The following OMA1 variants were observed in gnomAD, a reference collection of about 807,000 sequenced individuals.
OMA1 encodes metalloendopeptidase OMA1, mitochondrial.
OMA1 carries 38 observed loss-of-function variants against 30.9 expected under a neutral mutation model. The ratio of observed to expected loss-of-function variants is 1.23; its 90% CI spans 0.95 to 1.61. The LOEUF is 1.61. Ranked by LOEUF, OMA1 falls within the 40% of genes most tolerant of loss-of-function variation. The probability of loss-of-function intolerance (pLI) is 0.00; values close to 1 mark genes in which losing one functional copy is unlikely to be tolerated. For missense variants in OMA1, 461 were observed against 349.2 expected (o/e 1.32, Z -2.55); for synonymous variants, 173 against 121.9 (o/e 1.42, Z -2.76).
Position 58,536,738 on chromosome 1 carries a change from GC to G in OMA1, c.503del (p.Gly168AlafsTer2). 1 of 867,406 alleles carries G rather than the reference GC, an allele frequency of 1.2e-6. No individual in the cohort carries two copies. The highest frequency in any genetic ancestry group is 2.0e-6 in the Non-Finnish European group (1 of 500,130). 53.7% of individuals were successfully genotyped at this position (867,406 alleles called of 1,614,324 possible). ...QKLFAIIVGR[G>X]IRKWWQALPP... ...GAAGTGCCTGCCACCATTTCCTTAT[GC>G]CCCTAAAGCAAAAAGAAAAATTCAA... On this transcript the variant is annotated frameshift_variant and splice_region_variant, in exon 3 of 9. Coordinates refer to ENST00000371226, the MANE Select transcript of OMA1 (RefSeq NM_145243.5). LOFTEE classifies it high-confidence loss of function.
chr1:58,525,150 T>C (rs528637946), intron 7 of OMA1, among the ~76,000 whole-genome samples: 2 of 152,324 alleles, frequency 1.3e-5, no homozygotes, highest in East Asian at 3.9e-4. Context: ...TTGTGTTTTA[T>C]GGTAAAAAAT....
chr1:58,490,244 T>C (rs567227501), intron 8 of OMA1, among the ~76,000 whole-genome samples: 5 of 152,258 alleles, frequency 3.3e-5, no homozygotes, highest in Non-Finnish European at 7.4e-5. Context: ...GAGAAGTCCT[T>C]AAAGGACCTG....
At chr1:58,482,418 C>A (rs991411541) in intron 8 of OMA1, among the ~76,000 whole-genome samples, 5 of 152,154 alleles carry the variant, frequency 3.3e-5, no homozygotes, top group African/African-American at 1.2e-4. Flanking sequence ...AACTATTTAA[C>A]TCTTCAAAGT....
chr1:58,534,738 C>G (rs1646490280), intron 3 of OMA1, among the ~76,000 whole-genome samples: 1 of 152,296 alleles, frequency 6.6e-6, no homozygotes, highest in Non-Finnish European at 1.5e-5. Flanking sequence ...AGTTCAAGAC[C>G]AGCCTGGGCA....
chr1:58,485,870 T>C (rs1484887428), intron 8 of OMA1, among the ~76,000 whole-genome samples: 1 of 152,154 alleles, frequency 6.6e-6, no homozygotes, highest in Non-Finnish European at 1.5e-5. Context: ...TATGAATAAA[T>C]CATTATGATA....
intron 7 of OMA1, among the ~76,000 whole-genome samples, chr1:58,520,715 G>A (rs1485244973): frequency 6.6e-6 from 1 of 152,038 alleles, no homozygotes; most frequent in African/African-American, 2.4e-5. Context: ...TATTACTAGA[G>A]ACAGTGATTT....
chr1:58,532,090 A>C (rs1646442932), intron 5 of OMA1, among the ~76,000 whole-genome samples: 1 of 152,228 alleles, frequency 6.6e-6, no homozygotes, highest in African/African-American at 2.4e-5. Context: ...GTTATTAAAG[A>C]ATATAATTGC....
At chr1:58,541,894 G>C (rs973053960) in intron 1 of OMA1, among the ~76,000 whole-genome samples, 3 of 152,060 alleles carry the variant, frequency 2.0e-5, no homozygotes, top group African/African-American at 4.8e-5. Flanking sequence ...CTCAGTGATA[G>C]TTACATATGT....
chr1:58,492,931 C>A (rs889352018), intron 8 of OMA1, among the ~76,000 whole-genome samples: 1 of 152,264 alleles, frequency 6.6e-6, no homozygotes, highest in South Asian at 2.1e-4. Context: ...CCAGCATCAT[C>A]CTGATACCAA....
intron 8 of OMA1, among the ~76,000 whole-genome samples, chr1:58,491,977 ACAC>A (rs1185610977): frequency 6.6e-6 from 1 of 152,194 alleles, no homozygotes; most frequent in Non-Finnish European, 1.5e-5. Context: ...TTTCAGCACC[ACAC>A]CACACCTATT....
chr1:58,502,215 G>C (rs778486391), intron 8 of OMA1, among the ~76,000 whole-genome samples: 2 of 152,074 alleles, frequency 1.3e-5, no homozygotes, highest in Non-Finnish European at 2.9e-5. Context: ...AAATCAAAAT[G>C]ATCAAAATTT....
At chr1:58,526,421 G>A (rs1646350662) in intron 7 of OMA1, among the ~76,000 whole-genome samples, 2 of 152,004 alleles carry the variant, frequency 1.3e-5, no homozygotes, top group Non-Finnish European at 2.9e-5. Flanking sequence ...TTTAATATGT[G>A]AAGTGGCATT....
In OMA1 at chr1:58,539,005, C is replaced by G. The variant is rs1222738926; in HGVS notation, c.290G>C (p.Cys97Ser). The change falls in exon 2 of 9, where the codon TGT becomes TCT. Residue 97 changes from cysteine (C) to serine (S), a missense_variant. Transcript: ENST00000371226. ...TGAAAAAGCATCATTCCATACAGTACATTTGCTGGTAATCCTCCAAATTTC... is the reference window on the plus strand; with the variant it reads ...TGAAAAAGCATCATTCCATACAGTAGATTTGCTGGTAATCCTCCAAATTTC... Reference protein sequence around the residue: ...SKEIWRITSKCTVWNDAFSRQ... With the variant: ...SKEIWRITSKSTVWNDAFSRQ... The G allele has an allele frequency of 1.1e-6, 1 of 872,842 alleles. No individual in the cohort carries two copies. The highest frequency in any genetic ancestry group is 2.0e-6 in the Non-Finnish European group (1 of 501,622). The allele number at this position is 872,842 out of a possible 1,614,324, so 54.1% of individuals were successfully genotyped here.
chr1:58,538,895 T>G lies in OMA1; in HGVS notation c.400A>C (p.Arg134=), dbSNP rs1201666761. Residue 134 remains arginine (R), a synonymous_variant, in exon 2 of 9, where the codon AGG becomes CGG. Transcript: ENST00000371226. ...PLSPASIRAI[R]NFHTSPRFQA... is the part of the protein sequence containing the mutation. ...AACCGTGGAGAAGTATGGAAATTCC[T>G]AATAGCTCTTATGGAAGCAGGGCTT... 1 of 872,884 alleles carries G rather than the reference T, an allele frequency of 1.1e-6. No homozygotes were observed. The allele number at this position is 872,884 out of a possible 1,614,324, so 54.1% of individuals were successfully genotyped here.
chr1:58,537,444 G>A (rs1260576251), intron 2 of OMA1, among the ~76,000 whole-genome samples: 1 of 152,080 alleles, frequency 6.6e-6, no homozygotes, highest in Non-Finnish European at 1.5e-5. Flanking sequence ...TTTACAACGT[G>A]AAAAAGGAGA....
chr1:58,531,468 T>C lies in OMA1; in HGVS notation c.1012-739A>G, dbSNP rs188526698. ...TTTGAGTAGTAATATCTAAGTTTAA[T>C]GAACTAGATTGTTCATGGTTTGCCA... is the stretch of plus-strand genomic sequence containing the variant. On this transcript the variant is annotated intron_variant, in intron 5 of 8. Transcript: ENST00000371226. 7.2e-3 allele frequency among the ~76,000 whole-genome samples: 1,101 copies of C among 152,338 alleles called. 19 individuals carry two copies. Among genetic ancestry groups the C allele is most frequent in the African/African-American group, 0.025 (1,038 of 41,580 alleles).
chr1:58,518,495 C>T (rs1039259974), intron 7 of OMA1, among the ~76,000 whole-genome samples: 1 of 151,768 alleles, frequency 6.6e-6, no homozygotes, highest in African/African-American at 2.4e-5. Context: ...TGAAAGCTAT[C>T]ATGAGCCTGC....
At chr1:58,537,661 C>G (rs187774074) in intron 2 of OMA1, among the ~76,000 whole-genome samples, 1 of 152,162 alleles carries the variant, frequency 6.6e-6, no homozygotes, top group Non-Finnish European at 1.5e-5. Context: ...ACCATATATA[C>G]ATCATTCTCT....
intron 7 of OMA1, among the ~76,000 whole-genome samples, chr1:58,521,369 C>A (rs1410345071): frequency 2.0e-5 from 3 of 150,966 alleles, no homozygotes; most frequent in African/African-American, 7.3e-5. Flanking sequence ...TAGTATTCAT[C>A]TTAAGTTAGG....
Sources: gnomAD v4.1 joint callset for allele counts (sites outside exome capture counted in the v4.1 genomes callset) on GRCh38, gnomAD v4.1.1 for gene constraint, MANE v1.5 for transcripts, NCBI Gene and HGNC (gene_info 2026-07-23, HGNC 2026-07-21) for gene names.